FBN3: variants seen among roughly 807,000 people sequenced by gnomAD.
FBN3 encodes fibrillin-3.
Under a neutral mutation model 330.1 loss-of-function variants are expected in FBN3, and 234 were observed. The ratio of observed to expected loss-of-function variants is 0.71; its 90% CI spans 0.64 to 0.79. The LOEUF (loss-of-function observed/expected upper bound fraction) is 0.79, where lower values mean the gene tolerates loss of function less well. Among genes scored for constraint, FBN3 ranks in the 30% least tolerant of loss-of-function variants. The pLI is 0.00. For missense variants in FBN3, 3,606 were observed against 3,886.9 expected (o/e 0.93, Z 1.92); for synonymous variants, 1,458 against 1,517.3 (o/e 0.96, Z 0.91).
intron 37 of FBN3, among the ~76,000 whole-genome samples, chr19:8,106,650 T>G (rs1411919595): frequency 1.3e-5 from 2 of 151,726 alleles, no homozygotes; most frequent in African/African-American, 4.8e-5. Context: ...GGTCAATGAA[T>G]AAGATGATGA....
At chr19:8,140,497 G>T (rs555080520) in intron 8 of FBN3, among the ~76,000 whole-genome samples, 1 of 152,324 alleles carries the variant, frequency 6.6e-6, no homozygotes, top group African/African-American at 2.4e-5. Flanking sequence ...TGTCATTGCT[G>T]TAAGTACATA....
At chr19:8,135,936 G>GGGGGGGGGGCCCCCCCC in intron 13 of FBN3, 25 bp downstream of exon 13, 2 of 668,762 alleles carry the variant, frequency 3.0e-6, no homozygotes, top group Non-Finnish European at 4.8e-6. Flanking sequence ...GGAAGCCCCT[G>GGGGGGGGGGCCCCCCCC]CCCACCCGCC....
At position 8,109,680 on chromosome 19, in the gene FBN3, G is replaced by A. The variant is rs757399226; in HGVS notation, c.4407C>T (p.Cys1469=). 3.8e-6 allele frequency: 6 copies of A among 1,573,394 alleles called. No individual in the cohort carries two copies. Among genetic ancestry groups the A allele is most frequent in the Non-Finnish European group, 5.2e-6 (6 of 1,161,290 alleles). Residue 1469 remains cysteine, a synonymous_variant, in exon 35 of 64, where the codon TGC becomes TGT. Transcript: ENST00000600128. This position sits in a 1 kb window ranked among gnomAD's most constrained non-coding sequence, Gnocchi z 5.2. ...VCINTPGSYL[C]SCPQDFELNP... Reference sequence around the variant, plus strand: ...TCAGCTCAAAATCCTGGGGGCAGCTGCAGAGGTAGCTGCCGGGGGTGTTAA... The same window carrying A: ...TCAGCTCAAAATCCTGGGGGCAGCTACAGAGGTAGCTGCCGGGGGTGTTAA...
intron 13 of FBN3, among the ~76,000 whole-genome samples, chr19:8,134,849 A>G: frequency 6.6e-6 from 1 of 151,500 alleles, no homozygotes; most frequent in East Asian, 1.9e-4. Flanking sequence ...CAGGAGAATC[A>G]CTTGAACCCG....
chr19:8,092,857 T>A (rs763715602), intron 47 of FBN3, among the ~76,000 whole-genome samples: 6 of 151,836 alleles, frequency 4.0e-5, no homozygotes, highest in African/African-American at 9.7e-5. Context: ...AGCTAATCTA[T>A]GAGGATGCAA....
intron 53 of FBN3, among the ~76,000 whole-genome samples, chr19:8,087,570 T>C (rs2081991568): frequency 6.7e-6 from 1 of 148,262 alleles, no homozygotes; most frequent in African/African-American, 2.5e-5. Context: ...TTCTTTGCGG[T>C]GGGCGGCTGT....
rs2083154781 is a variant in FBN3, at chr19:8,131,768, GC to G, written c.1775del (p.Gly592AlafsTer13). ...CCCCCAGGCACTGGCAGCGGAAGGAGCCCTCGGTGTTGGTACAGTGGCCGTT... is the reference window on the plus strand; with the variant it reads ...CCCCCAGGCACTGGCAGCGGAAGGAGCCTCGGTGTTGGTACAGTGGCCGTT... ...CVNGHCTNTE[G>X]SFRCQCLGGL... is the part of the protein sequence containing the mutation. On this transcript the variant is annotated frameshift_variant, in exon 15 of 64. Coordinates refer to ENST00000600128, the MANE Select transcript of FBN3 (RefSeq NM_032447.5). LOFTEE classifies it high-confidence loss of function. This position sits in a 1 kb window ranked among gnomAD's most constrained non-coding sequence, Gnocchi z 4.5. 1 of 1,613,066 alleles carries G rather than the reference GC, an allele frequency of 6.2e-7. No homozygotes were observed. Among genetic ancestry groups the G allele is most frequent in the Non-Finnish European group, 8.5e-7 (1 of 1,179,666 alleles).
chr19:8,135,935 T>TGGGGGGGGGGGGGGGCG, intron 13 of FBN3, 26 bp downstream of exon 13: 1 of 1,344,148 alleles, frequency 7.4e-7, no homozygotes, highest in Non-Finnish European at 1.0e-6. Flanking sequence ...CGGAAGCCCC[T>TGGGGGGGGGGGGGGGCG]GCCCACCCGC....
intron 30 of FBN3, among the ~76,000 whole-genome samples, chr19:8,112,467 A>AT (rs2082611585): frequency 7.1e-6 from 1 of 140,820 alleles, no homozygotes; most frequent in Non-Finnish European, 1.5e-5. Flanking sequence ...TAATGCGGTG[A>AT]AACCCTGTCT....
intron 63 of FBN3, among the ~76,000 whole-genome samples, chr19:8,067,189 G>T (rs2081412894): frequency 6.8e-6 from 1 of 147,386 alleles, no homozygotes; most frequent in Non-Finnish European, 1.5e-5. Flanking sequence ...GCAGTGACAC[G>T]ATCTCGGCTC....
At chr19:8,085,310 C>A (rs966149590) in intron 56 of FBN3, 53 bp downstream of exon 56, 6 of 1,485,700 alleles carry the variant, frequency 4.0e-6, no homozygotes, top group Non-Finnish European at 4.5e-6. Context: ...TGACCCTGAG[C>A]AAACTCCCCC....
At chr19:8,082,729 A>T (rs2081834399) in intron 57 of FBN3, among the ~76,000 whole-genome samples, 1 of 151,982 alleles carries the variant, frequency 6.6e-6, no homozygotes, top group South Asian at 2.1e-4. Context: ...CCTGGCTTCA[A>T]ATGATGTGCC....
rs748519627 is a variant in FBN3 at position 8,073,140 on chromosome 19, G to A, written c.7860C>T (p.Pro2620=). The stretch of plus-strand genomic sequence containing the variant: ...GCGTGTTGGCACAGCTGTAGCTACA[G>A]GGGCCACGCCGTCCGGCGCACTCAT... ...EVDECAGRRG[P]CSYSCANTPG... The change falls in exon 62 of 64, where the codon CCC becomes CCT. Residue 2620 remains proline (P), a synonymous_variant. Transcript: ENST00000600128. 6.2e-7 allele frequency: 1 copy of A among 1,613,928 alleles called. No homozygotes were observed. The highest frequency in any genetic ancestry group is 8.5e-7 in the Non-Finnish European group (1 of 1,179,966).
rs1029506684 is a variant in FBN3 at position 8,074,999 on chromosome 19, G to T, written c.7702+72C>A. 3 of 1,526,842 alleles carry T rather than the reference G, an allele frequency of 2.0e-6. No individual in the cohort carries two copies. The African/African-American group carries it at 4.2e-5, about 21-fold the overall frequency. 94.6% of individuals were successfully genotyped at this position (1,526,842 alleles called of 1,614,324 possible). ...GCTTGTCACATCATCTTGCAGGGTG[G>T]CGTCTGTTAGTCGCCTGCTCTGAGC... On this transcript the variant is annotated intron_variant, in intron 61 of 63. Coordinates refer to ENST00000600128, the MANE Select transcript of FBN3 (RefSeq NM_032447.5).
chr19:8,135,936 G>GGTCCC, intron 13 of FBN3, 25 bp downstream of exon 13: 1 of 668,778 alleles, frequency 1.5e-6, no homozygotes, highest in Non-Finnish European at 2.4e-6. Flanking sequence ...GGAAGCCCCT[G>GGTCCC]CCCACCCGCC....
intron 29 of FBN3, 78 bp downstream of exon 29, chr19:8,116,596 C>T: frequency 6.8e-7 from 1 of 1,481,040 alleles, no homozygotes; most frequent in Non-Finnish European, 9.3e-7. Context: ...GCCTATGTGC[C>T]ACCTTGTGGA....
chr19:8,111,606 T>A (rs772857671), intron 32 of FBN3, 42 bp downstream of exon 32: 87 of 1,423,976 alleles, frequency 6.1e-5, no homozygotes, highest in Non-Finnish European at 8.3e-5. Flanking sequence ...CCCCCGTGGC[T>A]GTCCCTCTAG....
chr19:8,127,949 C>T (rs952621178), intron 18 of FBN3, among the ~76,000 whole-genome samples: 3 of 151,944 alleles, frequency 2.0e-5, no homozygotes, highest in Non-Finnish European at 2.9e-5. Context: ...TGCAGTGAGC[C>T]GAGATCGCCC....
intron 47 of FBN3, among the ~76,000 whole-genome samples, chr19:8,092,606 C>A (rs796355257): frequency 4.1e-5 from 6 of 146,800 alleles, no homozygotes; most frequent in African/African-American, 1.5e-4. Context: ...ATCCCAGCTA[C>A]CAGGAGGGTG....
Sources: gnomAD v4.1 joint callset for allele counts (sites outside exome capture counted in the v4.1 genomes callset) on GRCh38, gnomAD v4.1.1 for gene constraint, Gnocchi (gnomAD v3.1) non-coding constraint, MANE v1.5 for transcripts, NCBI Gene and HGNC (gene_info 2026-07-23, HGNC 2026-07-21) for gene names.